The following FLNB variants were observed in gnomAD, a reference collection of about 807,000 sequenced individuals.
The protein encoded by FLNB is filamin B.
FLNB carries 111 observed loss-of-function variants against 250.6 expected under a neutral mutation model. That is an observed-to-expected ratio of 0.44 (90% CI 0.38 to 0.52). The LOEUF (loss-of-function observed/expected upper bound fraction) is 0.52, where lower values mean the gene tolerates loss of function less well. Among genes scored for constraint, FLNB ranks in the 20% least tolerant of loss-of-function variants. The pLI is 0.00. For missense variants in FLNB, 2,869 were observed against 3,447.8 expected (o/e 0.83, Z 4.20); for synonymous variants, 1,302 against 1,372.1 (o/e 0.95, Z 1.13).
intron 42 of FLNB, among the ~76,000 whole-genome samples, chr3:58,161,009 T>C (rs2107312357): frequency 6.6e-6 from 1 of 152,188 alleles, no homozygotes; most frequent in African/African-American, 2.4e-5. Context: ...GAATGTAGGC[T>C]CTGTGTGAAC....
intron 1 of FLNB, among the ~76,000 whole-genome samples, chr3:58,040,169 G>T (rs2097144009): frequency 6.6e-6 from 1 of 152,146 alleles, no homozygotes; most frequent in Non-Finnish European, 1.5e-5. Context: ...TCTTTGGGGT[G>T]CTGTGACGGC....
chr3:58,082,256 G>A (rs1327025875), intron 4 of FLNB, among the ~76,000 whole-genome samples: 2 of 152,118 alleles, frequency 1.3e-5, no homozygotes, highest in Admixed American at 6.6e-5. Flanking sequence ...AGGCAGCTGC[G>A]GAACACCGTT....
intron 9 of FLNB, among the ~76,000 whole-genome samples, chr3:58,103,557 C>G (rs1284108154): frequency 6.6e-6 from 1 of 152,168 alleles, no homozygotes; most frequent in Non-Finnish European, 1.5e-5. Context: ...AAAACTCATA[C>G]CAAATACTTC....
chr3:58,143,389 T>A, intron 31 of FLNB, 84 bp from the exon 32 acceptor site: 1 of 1,483,408 alleles, frequency 6.7e-7, no homozygotes, highest in East Asian at 2.3e-5. Flanking sequence ...AACCTTTATT[T>A]TGAATACATC....
chr3:58,069,657 C>CAAGAACCACCTA (rs1335864791), intron 1 of FLNB, among the ~76,000 whole-genome samples: 1 of 152,054 alleles, frequency 6.6e-6, no homozygotes, highest in Admixed American at 6.5e-5. Context: ...AGAGCAACAC[C>CAAGAACCACCTA]AAGAACCACC....
intron 1 of FLNB, among the ~76,000 whole-genome samples, chr3:58,041,389 T>C (rs942157533): frequency 2.0e-4 from 31 of 152,180 alleles, no homozygotes; most frequent in African/African-American, 7.5e-4. Context: ...GGCCCTGGTG[T>C]GCTGGGTTAG....
At chr3:58,154,544 C>CA (rs71625606) in intron 39 of FLNB, 21,513 of 300,100 alleles carry the variant, frequency 0.072, 1 homozygote, top group South Asian at 0.1. Context: ...GACTCCGTCT[C>CA]AAAAAAAAAA....
chr3:58,169,855 C>T lies in FLNB; in HGVS notation c.7621+62C>T, dbSNP rs976120622. The T allele has an allele frequency of 2.6e-5, 37 of 1,407,968 alleles. No individual in the cohort carries two copies. The South Asian group carries it at 3.1e-4, about 12-fold the overall frequency. 87.2% of individuals were successfully genotyped at this position (1,407,968 alleles called of 1,614,324 possible). A position where few individuals can be genotyped will look rare whatever the true frequency, so the allele number is the denominator to read the frequency against. On this transcript the variant is annotated intron_variant, in intron 45 of 45. Transcript: ENST00000295956. The surrounding 1 kb of genome is among the most constrained non-coding windows in gnomAD (Gnocchi z 4.8). Reference sequence around the variant, plus strand: ...AGGGGCAGGCTGGGCACCCTGGGTACACTGGCCTTCCCTGCTGAGGTCTCC... The same window carrying T: ...AGGGGCAGGCTGGGCACCCTGGGTATACTGGCCTTCCCTGCTGAGGTCTCC...
chr3:58,046,886 C>A (rs1257748840), intron 1 of FLNB, among the ~76,000 whole-genome samples: 1 of 152,214 alleles, frequency 6.6e-6, no homozygotes, highest in Admixed American at 6.5e-5. Flanking sequence ...TAAAATCATA[C>A]ACGTGTTCTG....
At chr3:58,118,738 T>C in intron 18 of FLNB, 134 bp from the exon 19 acceptor site, 1 of 766,682 alleles carries the variant, frequency 1.3e-6, no homozygotes, top group Non-Finnish European at 2.4e-6. Flanking sequence ...GAAATAGATC[T>C]AAGATACTTT....
Position 58,110,063 on chromosome 3 carries a change from G to A in FLNB, c.2377G>A (p.Glu793Lys), listed in dbSNP as rs775654500. The A allele has an allele frequency of 1.2e-6, 2 of 1,614,170 alleles. No homozygotes were observed. Among genetic ancestry groups the A allele is most frequent in the Non-Finnish European group, 1.7e-6 (2 of 1,180,016 alleles). The change falls in exon 16 of 46, where the codon GAA becomes AAA. Residue 793 changes from glutamate (E) to lysine (K), a missense_variant. Glu to Lys is a moderately conservative substitution (Grantham distance 56). Around this residue, in one of 5 missense-constraint regions of FLNB, gnomAD observed 1,348 missense variants for 1,466.7 expected, o/e 0.92. Transcript: ENST00000295956. ...CDARVLSEDE[E>K]DVDFDIIHNA... ...TGCCCGGGTGTTAAGTGAAGATGAG[G>A]AAGACGTGGATTTTGACATTATTCA...
chr3:58,081,113 C>T (rs1485871407), intron 3 of FLNB, among the ~76,000 whole-genome samples: 1 of 151,870 alleles, frequency 6.6e-6, no homozygotes, highest in Non-Finnish European at 1.5e-5. Flanking sequence ...TTTTTAATGG[C>T]TCCTAATATA....
chr3:58,150,911 G>A (rs1432617870), intron 38 of FLNB: 1 of 153,702 alleles, frequency 6.5e-6, no homozygotes, highest in Admixed American at 6.4e-5. Context: ...CTTGTGTTGC[G>A]AGCTCTGGAG....
At position 58,112,294 on chromosome 3, in the gene FLNB, G is replaced by A. The variant is rs1026592602; in HGVS notation, c.2721G>A (p.Thr907=). ...DIIDNYDYSH[T]VKYTPTQQGN... ...TCGATAATTATGACTACTCTCACAC[G>A]GTTAAATATACACCCACCCAACAGG... Residue 907 remains threonine, a synonymous_variant, in exon 18 of 46, where the codon ACG becomes ACA. Transcript: ENST00000295956. 4 of 1,613,578 alleles carry A rather than the reference G, an allele frequency of 2.5e-6. No homozygotes were observed. Among genetic ancestry groups the A allele is most frequent in the Admixed American group, 1.7e-5 (1 of 59,992 alleles).
intron 1 of FLNB, among the ~76,000 whole-genome samples, chr3:58,036,357 T>G (rs2097138119): frequency 6.6e-6 from 1 of 152,168 alleles, no homozygotes; most frequent in Admixed American, 6.5e-5. Context: ...CCCGAGCATT[T>G]GGGATCAGAG....
chr3:58,109,823 C>T lies in FLNB; in HGVS notation c.2323+124C>T, dbSNP rs2107120476. 2.1e-6 allele frequency: 3 copies of T among 1,420,370 alleles called. No homozygotes were observed. The South Asian group carries it at 3.5e-5, about 16-fold the overall frequency. The allele number at this position is 1,420,370 out of a possible 1,614,324, so 88.0% of individuals were successfully genotyped here. A position where few individuals can be genotyped will look rare whatever the true frequency, so the allele number is the denominator to read the frequency against. ...TCTGAATAGGTAATCATCTACTGAGCCTCTGAGTCATTCCTTAGTGATATC... is the reference window on the plus strand; with the variant it reads ...TCTGAATAGGTAATCATCTACTGAGTCTCTGAGTCATTCCTTAGTGATATC... On this transcript the variant is annotated intron_variant, in intron 15 of 45. Transcript: ENST00000295956.
intron 38 of FLNB, chr3:58,150,773 A>C (rs2097343510): frequency 6.1e-6 from 1 of 164,516 alleles, no homozygotes; most frequent in Non-Finnish European, 1.3e-5. Context: ...TCTTTCTATA[A>C]AGAATCCTTC....
chr3:58,023,428 C>T (rs1431057274), intron 1 of FLNB, among the ~76,000 whole-genome samples: 1 of 152,120 alleles, frequency 6.6e-6, no homozygotes, highest in African/African-American at 2.4e-5. Context: ...TAAAAAGTTA[C>T]ATCTGTAGTT....
intron 19 of FLNB, 91 bp from the exon 20 acceptor site, chr3:58,121,150 C>CGTGTCCAA: frequency 6.5e-7 from 1 of 1,543,674 alleles, no homozygotes; most frequent in Non-Finnish European, 9.0e-7. Context: ...GATAAGTCCC[C>CGTGTCCAA]GTGTCCAAAG....
Sources: allele counts gnomAD v4.1 joint callset (sites outside exome capture counted in the v4.1 genomes callset), GRCh38; gene constraint gnomAD v4.1.1; regional missense constraint gnomAD v4.1.1; non-coding constraint Gnocchi (gnomAD v3.1); transcripts MANE v1.5; gene names NCBI Gene and HGNC (gene_info 2026-07-23, HGNC 2026-07-21).